Variants in DAB1 observed in about 807,000 individuals in gnomAD.
The protein encoded by DAB1 is disabled homolog 1.
A neutral mutation model predicts 64.6 loss-of-function variants in DAB1; 15 were observed. The ratio of observed to expected loss-of-function variants is 0.23; its 90% CI spans 0.16 to 0.36. The LOEUF (loss-of-function observed/expected upper bound fraction) is 0.36, where lower values mean the gene tolerates loss of function less well. Among genes scored for constraint, DAB1 ranks in the 10% least tolerant of loss-of-function variants. The pLI is 1.00. For synonymous variants in DAB1, 235 were observed against 251.9 expected (o/e 0.93, Z 0.64); for missense variants, 596 against 706.7 (o/e 0.84, Z 1.78).
At chr1:57,342,739 C>T (rs1353551232) in intron 1 of DAB1, among the ~76,000 whole-genome samples, 1 of 152,104 alleles carries the variant, frequency 6.6e-6, no homozygotes, top group Non-Finnish European at 1.5e-5. Context: ...ATGGTGGGTT[C>T]GTGGTCTCGC....
At chr1:57,610,301 C>T (rs1645710617) in intron 7 of DAB1, among the ~76,000 whole-genome samples, 1 of 152,182 alleles carries the variant, frequency 6.6e-6, no homozygotes, top group South Asian at 2.1e-4. Flanking sequence ...CATTAATAAT[C>T]ATTGATTCTT....
rs185290052 is a variant in DAB1 at position 58,370,899 on chromosome 1, C to T, written n.258-27496G>A. Among the ~76,000 whole-genome samples, 4 of 152,300 alleles carry T rather than the reference C, an allele frequency of 2.6e-5. No homozygotes were observed. The East Asian group carries it at 7.7e-4, about 29-fold the overall frequency. On this transcript the variant is annotated intron_variant and non_coding_transcript_variant, in intron 3 of 20. Transcript: ENST00000485760. Reference sequence around the variant, plus strand: ...CCTCCCCTGCCATGCAGAACTGTGACTCAATTAAACCTCTTTCCTTCATAA... The same window carrying T: ...CCTCCCCTGCCATGCAGAACTGTGATTCAATTAAACCTCTTTCCTTCATAA...
chr1:57,012,357 A>C (rs1646291255), intron 12 of DAB1, among the ~76,000 whole-genome samples: 1 of 152,266 alleles, frequency 6.6e-6, no homozygotes, highest in South Asian at 2.1e-4. Context: ...CTTAATATAA[A>C]TACCTGCAAG....
At chr1:57,272,141 G>A (rs906331974) in intron 2 of DAB1, among the ~76,000 whole-genome samples, 1 of 152,208 alleles carries the variant, frequency 6.6e-6, no homozygotes, top group Non-Finnish European at 1.5e-5. Flanking sequence ...CCTCAGGAGA[G>A]CCAGCTTTCC....
intron 5 of DAB1, among the ~76,000 whole-genome samples, chr1:57,953,705 A>G (rs1645325454): frequency 2.0e-5 from 3 of 152,176 alleles, no homozygotes; most frequent in Admixed American, 2.0e-4. Context: ...TCTGAGTTCT[A>G]GTTGGAACTG....
chr1:57,904,391 C>T lies in DAB1; in HGVS notation n.388-20229G>A, dbSNP rs761382126. Among the ~76,000 whole-genome samples, 94 of 152,266 alleles carry T rather than the reference C, an allele frequency of 6.2e-4. 1 individual carries two copies. The highest frequency in any genetic ancestry group is 6.8e-3 in the Middle Eastern group (2 of 294). ...CCAGCTGGTTTGTGAGCATCTACTA[C>T]GTCCACTATTGTTTAAGGTCCTGGG... On this transcript the variant is annotated intron_variant and non_coding_transcript_variant, in intron 5 of 20. Coordinates refer to the DAB1 transcript ENST00000485760.
At chr1:58,336,694 C>CT (rs962715970) in intron 4 of DAB1, among the ~76,000 whole-genome samples, 2 of 148,410 alleles carry the variant, frequency 1.3e-5, no homozygotes, top group African/African-American at 4.9e-5. Flanking sequence ...ATGAAGTATT[C>CT]TTTTTTTTAT....
chr1:57,000,394 G>A (rs1357822159), intron 14 of DAB1, among the ~76,000 whole-genome samples: 1 of 152,084 alleles, frequency 6.6e-6, no homozygotes, highest in Non-Finnish European at 1.5e-5. Context: ...TCCTCAATGA[G>A]AGTCTGTTGA....
intron 4 of DAB1, among the ~76,000 whole-genome samples, chr1:57,119,850 C>T (rs1387166866): frequency 1.3e-5 from 2 of 152,244 alleles, no homozygotes; most frequent in African/African-American, 2.4e-5. Flanking sequence ...CAGTTGACTG[C>T]CCAATCAGTC....
chr1:58,172,412 T>G (rs1318620537), intron 4 of DAB1, among the ~76,000 whole-genome samples: 5 of 152,212 alleles, frequency 3.3e-5, no homozygotes, highest in African/African-American at 1.2e-4. Context: ...AGGATCTCAC[T>G]GGACTACTCA....
At chr1:57,915,030 C>A (rs1342602469) in intron 5 of DAB1, among the ~76,000 whole-genome samples, 1 of 150,928 alleles carries the variant, frequency 6.6e-6, no homozygotes, top group Non-Finnish European at 1.5e-5. Context: ...ACCAATCAAC[C>A]AAATAAGCCG....
intron 1 of DAB1, among the ~76,000 whole-genome samples, chr1:57,868,060 T>C (rs766489709): frequency 2.0e-5 from 3 of 152,188 alleles, no homozygotes; most frequent in Non-Finnish European, 4.4e-5. Flanking sequence ...CCAGCTCTGG[T>C]ACACTGAAAT....
At chr1:57,951,592 C>T (rs1936410) in intron 5 of DAB1, among the ~76,000 whole-genome samples, 58,043 of 151,384 alleles carry the variant, frequency 0.38, 12,662 homozygotes, top group Admixed American at 0.5. Context: ...GGGAAAGTGA[C>T]GTCACAGAGT....
chr1:57,371,989 T>C (rs895725158), intron 1 of DAB1, among the ~76,000 whole-genome samples: 1 of 152,220 alleles, frequency 6.6e-6, no homozygotes, highest in East Asian at 1.9e-4. Flanking sequence ...GCTTAAGGTA[T>C]GTTTGACTAT....
chr1:57,984,264 A>AAAG (rs1557595236), intron 5 of DAB1, among the ~76,000 whole-genome samples: 45 of 142,526 alleles, frequency 3.2e-4, no homozygotes, highest in African/African-American at 1.0e-3. Flanking sequence ...AAGAAAGAAA[A>AAAG]AAAATTAAAC....
intron 4 of DAB1, among the ~76,000 whole-genome samples, chr1:58,248,099 A>G (rs1161922828): frequency 1.3e-5 from 2 of 151,878 alleles, no homozygotes; most frequent in Non-Finnish European, 2.9e-5. Context: ...AAAAAAAAAA[A>G]TCTTGTCAAA....
At chr1:57,608,605 C>G (rs1405643142) in intron 7 of DAB1, among the ~76,000 whole-genome samples, 1 of 152,090 alleles carries the variant, frequency 6.6e-6, no homozygotes, top group Non-Finnish European at 1.5e-5. Context: ...TGTGATATGC[C>G]AGATGTTGGG....
intron 7 of DAB1, among the ~76,000 whole-genome samples, chr1:57,551,401 C>T (rs750788273): frequency 1.7e-4 from 26 of 152,030 alleles, no homozygotes; most frequent in African/African-American, 3.6e-4. Flanking sequence ...AGGGCAGGTG[C>T]ATGATAATAA....
chr1:58,039,717 G>GT lies in DAB1; in HGVS notation n.387+110793dup, dbSNP rs1222155848. ...AGGCAGTGTGGCCCGGTAGTGAAGA[G>GT]TACAGGGGTCAGAATGCCTGGGCCA... On this transcript the variant is annotated intron_variant and non_coding_transcript_variant, in intron 5 of 20. Coordinates refer to the DAB1 transcript ENST00000485760. 1.1e-4 allele frequency among the ~76,000 whole-genome samples: 17 copies of GT among 152,262 alleles called. No individual in the cohort carries two copies. The East Asian group carries it at 3.3e-3, about 29-fold the overall frequency.
Sources: allele counts gnomAD v4.1 joint callset (sites outside exome capture counted in the v4.1 genomes callset), GRCh38; gene constraint gnomAD v4.1.1; transcripts MANE v1.5; gene names NCBI Gene and HGNC (gene_info 2026-07-23, HGNC 2026-07-21).